The following ERBB4 variants were observed in gnomAD, a reference collection of about 807,000 sequenced individuals.
The protein encoded by ERBB4 is receptor tyrosine-protein kinase erbB-4.
Under a neutral mutation model 158.0 loss-of-function variants are expected in ERBB4, and 42 were observed. The ratio of observed to expected loss-of-function variants is 0.27; its 90% CI spans 0.21 to 0.34. ERBB4 has a LOEUF of 0.34. ERBB4 is among the 10% of genes least tolerant of loss of function. The pLI is 1.00. For synonymous variants in ERBB4, 583 were observed against 558.7 expected, an observed-to-expected ratio of 1.04 and a Z score of -0.61; for missense variants, 1,333 against 1,624.1, an observed-to-expected ratio of 0.82 and a Z score of 3.08.
At chr2:212,109,789 A>G (rs1278907874) in intron 2 of ERBB4, among the ~76,000 whole-genome samples, 1 of 152,196 alleles carries the variant, frequency 6.6e-6, no homozygotes, top group African/African-American at 2.4e-5. Flanking sequence ...AAATAATAAG[A>G]TATATTTCTG....
chr2:211,376,395 C>T lies in ERBB4; in HGVS notation c.*7220G>A, dbSNP rs960777919. The T allele has an allele frequency of 1.8e-4, 43 of 232,854 alleles. No individual in the cohort carries two copies. In the East Asian group the frequency reaches 2.6e-3, roughly 14 times the overall value. The allele number at this position is 232,854 out of a possible 1,614,324, so 14.4% of individuals were successfully genotyped here. On this transcript the variant is annotated 3_prime_UTR_variant, in exon 28 of 28. Coordinates refer to ENST00000342788, the MANE Select transcript of ERBB4 (RefSeq NM_005235.3). ...TGCAACTAGCCATGTCTTTAACAAG[C>T]TATAAAAATACTATTCACATTTTCA...
chr2:212,432,421 G>T (rs1185540282), intron 1 of ERBB4, among the ~76,000 whole-genome samples: 1 of 152,030 alleles, frequency 6.6e-6, no homozygotes, highest in Non-Finnish European at 1.5e-5. Flanking sequence ...TAGGATCATG[G>T]TGTTATACAA....
intron 3 of ERBB4, 96 bp from the exon 4 acceptor site, chr2:211,788,255 T>G (rs910833343): frequency 2.2e-6 from 2 of 899,062 alleles, no homozygotes; most frequent in Non-Finnish European, 3.6e-6. Context: ...ATTTTCAATG[T>G]TAAATTAGAG....
chr2:211,439,333 G>T (rs1026237605), intron 20 of ERBB4, among the ~76,000 whole-genome samples: 2 of 151,958 alleles, frequency 1.3e-5, no homozygotes, highest in African/African-American at 4.8e-5. Context: ...ATAGTTAGTT[G>T]GTTTTTAAAG....
intron 1 of ERBB4, among the ~76,000 whole-genome samples, chr2:212,497,175 T>C (rs140450796): frequency 0.02 from 1,798 of 92,114 alleles, 45 homozygotes; most frequent in African/African-American, 0.078. Context: ...CAAAACTCCA[T>C]CTCAAAAAAA....
At chr2:212,114,853 A>G (rs2079525905) in intron 2 of ERBB4, among the ~76,000 whole-genome samples, 1 of 152,176 alleles carries the variant, frequency 6.6e-6, no homozygotes. Context: ...CTTACTGTCA[A>G]GTCTTCAGAG....
chr2:212,226,047 A>C lies in ERBB4; in HGVS notation c.83-101144T>G, dbSNP rs2083456418. 2.6e-5 allele frequency among the ~76,000 whole-genome samples: 4 copies of C among 152,156 alleles called. 1 individual carries two copies. The highest frequency in any genetic ancestry group is 2.6e-4 in the Admixed American group (4 of 15,244). On this transcript the variant is annotated intron_variant, in intron 1 of 27. Coordinates refer to ENST00000342788, the MANE Select transcript of ERBB4 (RefSeq NM_005235.3). Reference sequence around the variant, plus strand: ...TGGTTGAGCCTGATCTAATTGGGTGAATCTTTCAAAAGTCAGAGAGATTCA... The same window carrying C: ...TGGTTGAGCCTGATCTAATTGGGTGCATCTTTCAAAAGTCAGAGAGATTCA...
At chr2:211,832,498 TA>T (rs1162691635) in intron 3 of ERBB4, among the ~76,000 whole-genome samples, 2 of 151,980 alleles carry the variant, frequency 1.3e-5, no homozygotes, top group African/African-American at 4.8e-5. Flanking sequence ...CATAATGCAT[TA>T]AAGATAAAAA....
intron 12 of ERBB4, among the ~76,000 whole-genome samples, chr2:211,681,155 TGA>T (rs1278233779): frequency 1.3e-5 from 2 of 152,176 alleles, no homozygotes; most frequent in Admixed American, 6.5e-5. Flanking sequence ...ATAATTATGT[TGA>T]GTTTCATCTA....
intron 4 of ERBB4, among the ~76,000 whole-genome samples, chr2:211,785,917 C>T (rs983499003): frequency 6.6e-6 from 1 of 151,978 alleles, no homozygotes; most frequent in Non-Finnish European, 1.5e-5. Context: ...GTTTTGTGCT[C>T]ATTTTTTCTT....
In ERBB4 at chr2:212,286,775, T is replaced by TTTTTTTTTTTTTTTTC. The variant is rs2085998254; in HGVS notation, c.83-161873_83-161872insGAAAAAAAAAAAAAAA. Among the ~76,000 whole-genome samples, 3 of 108,294 alleles carry TTTTTTTTTTTTTTTTC rather than the reference T, an allele frequency of 2.8e-5. 1 individual carries two copies. Among genetic ancestry groups the TTTTTTTTTTTTTTTTC allele is most frequent in the Non-Finnish European group, 3.8e-5 (2 of 52,198 alleles). 71.0% of individuals were successfully genotyped at this position (108,294 alleles called of 152,430 possible). A position where few individuals can be genotyped will look rare whatever the true frequency, so the allele number is the denominator to read the frequency against. ...TGGCACCATGAGGGTTAATTTTTTT[T>TTTTTTTTTTTTTTTTC]TTTTTTTTTTTTTTTGTAGAGACGG... On this transcript the variant is annotated intron_variant, in intron 1 of 27. Coordinates refer to ENST00000342788, the MANE Select transcript of ERBB4 (RefSeq NM_005235.3).
chr2:211,937,713 C>G (rs545470350), intron 3 of ERBB4, among the ~76,000 whole-genome samples: 1 of 152,010 alleles, frequency 6.6e-6, no homozygotes, highest in Non-Finnish European at 1.5e-5. Flanking sequence ...CTTGTGAGAA[C>G]TAACTCACTA....
chr2:211,630,027 C>A (rs994965183), intron 17 of ERBB4, among the ~76,000 whole-genome samples: 3 of 152,024 alleles, frequency 2.0e-5, no homozygotes, highest in Admixed American at 6.6e-5. Context: ...CAATGGCAAC[C>A]AAAGCCAAAA....
chr2:211,745,606 T>A (rs1269877776), intron 5 of ERBB4, among the ~76,000 whole-genome samples: 1 of 152,072 alleles, frequency 6.6e-6, no homozygotes, highest in Non-Finnish European at 1.5e-5. Context: ...TCCTTTCCAG[T>A]TTATTATAAT....
intron 1 of ERBB4, among the ~76,000 whole-genome samples, chr2:212,516,761 C>G (rs748254296): frequency 6.6e-6 from 1 of 152,076 alleles, no homozygotes; most frequent in East Asian, 1.9e-4. Flanking sequence ...ATACTCTTGA[C>G]GTCCCATATA....
chr2:212,003,190 A>G (rs1289095499), intron 2 of ERBB4, among the ~76,000 whole-genome samples: 1,832 of 77,050 alleles, frequency 0.024, 236 homozygotes, highest in Non-Finnish European at 0.044. Context: ...AGAAAGAAAG[A>G]AAGAAAGAAA....
At chr2:211,403,027 T>C (rs2063077303) in intron 25 of ERBB4, among the ~76,000 whole-genome samples, 1 of 151,974 alleles carries the variant, frequency 6.6e-6, no homozygotes, top group Non-Finnish European at 1.5e-5. Context: ...ATTCACATGA[T>C]TTGGGGGTTT....
rs570618901 is a variant in ERBB4, at chr2:211,780,516, T to G, written c.556+7509A>C. On this transcript the variant is annotated intron_variant, in intron 4 of 27. Coordinates refer to ENST00000342788, the MANE Select transcript of ERBB4 (RefSeq NM_005235.3). ...GTGCTTGCTTCCGTAATGTTCTTAG[T>G]AAAACTTAATTCCTAGAGTGAGTTT... 2.0e-5 allele frequency among the ~76,000 whole-genome samples: 3 copies of G among 152,318 alleles called. No homozygotes were observed. In the East Asian group the frequency reaches 5.8e-4, roughly 29 times the overall value.
intron 5 of ERBB4, among the ~76,000 whole-genome samples, chr2:211,733,723 C>T (rs1420770411): frequency 5.3e-5 from 8 of 151,404 alleles, no homozygotes; most frequent in Non-Finnish European, 5.9e-5. Flanking sequence ...TTCTAGTTCC[C>T]TATCCAAAAT....
Sources: allele counts gnomAD v4.1 joint callset (sites outside exome capture counted in the v4.1 genomes callset), GRCh38; gene constraint gnomAD v4.1.1; transcripts MANE v1.5; gene names NCBI Gene and HGNC (gene_info 2026-07-23, HGNC 2026-07-21).